The following HMGCLL1 variants were observed in gnomAD, a reference collection of about 807,000 sequenced individuals.
The protein encoded by HMGCLL1 is 3-hydroxy-3-methylglutaryl-CoA lyase like 1, also known as 3-hydroxymethyl-3-methylglutaryl-CoA lyase, cytoplasmic.
HMGCLL1 carries 36 observed loss-of-function variants against 39.1 expected under a neutral mutation model. The observed-to-expected ratio is 0.92, with a 90% CI of 0.71 to 1.22. The LOEUF is 1.22. HMGCLL1 is among the 50% of genes most tolerant of loss of function. HMGCLL1 has a pLI of 0.00. For synonymous variants in HMGCLL1, 149 were observed against 144.0 expected, an observed-to-expected ratio of 1.03 and a Z score of -0.25; for missense variants, 451 against 416.5, an observed-to-expected ratio of 1.08 and a Z score of -0.72.
At chr6:55,462,138 G>A (rs1351857956) in intron 7 of HMGCLL1, among the ~76,000 whole-genome samples, 2 of 151,932 alleles carry the variant, frequency 1.3e-5, no homozygotes, top group Non-Finnish European at 2.9e-5. Context: ...AAATAAATAA[G>A]GAAGACTATA....
At chr6:55,565,187 T>C (rs1406402030) in intron 1 of HMGCLL1, among the ~76,000 whole-genome samples, 3 of 152,116 alleles carry the variant, frequency 2.0e-5, no homozygotes, top group Non-Finnish European at 4.4e-5. Flanking sequence ...CTAGTGTAAG[T>C]TAAAGTCCAG....
intron 7 of HMGCLL1, among the ~76,000 whole-genome samples, chr6:55,463,029 C>CTTTTTTTTTTTT: frequency 7.3e-6 from 1 of 136,322 alleles, no homozygotes; most frequent in Non-Finnish European, 1.6e-5. Context: ...TTTTTTCTTT[C>CTTTTTTTTTTTT]TTTTTTTTTT....
At position 55,564,306 on chromosome 6, in the gene HMGCLL1, A is replaced by G. The variant is rs74980947; in HGVS notation, c.108+14642T>C. ...AAACGATGGAAAATTATTGTTTTAT[A>G]TGTCTCAACTCATATCTTAGTAACC... On this transcript the variant is annotated intron_variant, in intron 1 of 8. Coordinates refer to ENST00000274901, the MANE Select transcript of HMGCLL1 (RefSeq NM_001042406.2). Among the ~76,000 whole-genome samples, 457 of 152,190 alleles carry G rather than the reference A, an allele frequency of 3.0e-3. 4 individuals carry two copies. The highest frequency in any genetic ancestry group is 0.011 in the African/African-American group (443 of 41,556).
At chr6:55,643,490 C>A in the HMGCLL1 span, among the ~76,000 whole-genome samples, 1 of 151,826 alleles carries the variant, frequency 6.6e-6, no homozygotes, top group African/African-American at 2.4e-5. Flanking sequence ...ACTGATTCTT[C>A]CTATTCATTA....
intron 7 of HMGCLL1, among the ~76,000 whole-genome samples, chr6:55,468,500 G>A (rs1466753337): frequency 2.0e-5 from 3 of 151,942 alleles, no homozygotes; most frequent in Admixed American, 6.6e-5. Context: ...TGGAAAGGTA[G>A]AATGATGGAG....
intron 3 of HMGCLL1, among the ~76,000 whole-genome samples, chr6:55,527,847 A>G (rs1768406041): frequency 6.6e-6 from 1 of 152,020 alleles, no homozygotes; most frequent in Admixed American, 6.6e-5. Context: ...AGTCAAGGAT[A>G]TTTTTTAAAT....
intron 3 of HMGCLL1, among the ~76,000 whole-genome samples, chr6:55,538,464 ACT>A (rs1012144301): frequency 6.6e-6 from 1 of 152,140 alleles, no homozygotes; most frequent in Non-Finnish European, 1.5e-5. Context: ...AATGTCTAGA[ACT>A]CTCTTAAAAT....
chr6:55,490,720 C>T (rs1766265131), intron 7 of HMGCLL1, among the ~76,000 whole-genome samples: 1 of 152,050 alleles, frequency 6.6e-6, no homozygotes, highest in African/African-American at 2.4e-5. Context: ...TCAGAAACAG[C>T]TTTTTCCAAC....
intron 5 of HMGCLL1, chr6:55,513,457 T>G (rs1767569197): frequency 6.6e-6 from 1 of 152,204 alleles, no homozygotes; most frequent in Non-Finnish European, 1.5e-5. Context: ...TATATTTATC[T>G]TCTATAAGCA....
At chr6:55,546,687 G>A (rs904554184) in intron 1 of HMGCLL1, among the ~76,000 whole-genome samples, 1 of 152,100 alleles carries the variant, frequency 6.6e-6, no homozygotes, top group African/African-American at 2.4e-5. Context: ...TGACTTGTAA[G>A]TTACAAGGAA....
At chr6:55,635,070 G>GA in the HMGCLL1 span, among the ~76,000 whole-genome samples, 19 of 151,846 alleles carry the variant, frequency 1.3e-4, no homozygotes, top group African/African-American at 4.4e-4. Flanking sequence ...AAAACACTTA[G>GA]AACTATATTG....
intron 7 of HMGCLL1, among the ~76,000 whole-genome samples, chr6:55,445,581 C>T (rs548582835): frequency 1.7e-4 from 26 of 152,100 alleles, no homozygotes; most frequent in African/African-American, 5.8e-4. Flanking sequence ...TAAAGGATTA[C>T]TCTTGGAAAG....
chr6:55,638,696 C>G, the HMGCLL1 span, among the ~76,000 whole-genome samples: 1 of 152,084 alleles, frequency 6.6e-6, no homozygotes, highest in South Asian at 2.1e-4. Flanking sequence ...CTGCCTAATC[C>G]ACAGGATTCT....
At chr6:55,676,936 T>G in the HMGCLL1 span, among the ~76,000 whole-genome samples, 1 of 152,240 alleles carries the variant, frequency 6.6e-6, no homozygotes, top group South Asian at 2.1e-4. Flanking sequence ...TGGGGCCTAT[T>G]TATTACTTCG....
chr6:55,593,104 C>T, the HMGCLL1 span, among the ~76,000 whole-genome samples: 1 of 152,180 alleles, frequency 6.6e-6, no homozygotes, highest in South Asian at 2.1e-4. Flanking sequence ...TTCCCCTCAT[C>T]CTGTTCACTG....
chr6:55,526,869 G>A (rs7762185), intron 3 of HMGCLL1, among the ~76,000 whole-genome samples: 33,586 of 151,892 alleles, frequency 0.22, 3,867 homozygotes, highest in Admixed American at 0.27. Context: ...TAGGAGCAGA[G>A]GGCCTAGAGT....
chr6:55,553,810 A>G (rs565235330), intron 1 of HMGCLL1, among the ~76,000 whole-genome samples: 12 of 152,340 alleles, frequency 7.9e-5, no homozygotes, highest in African/African-American at 2.9e-4. Flanking sequence ...AAAATTTGCA[A>G]TGAAAGGAAT....
chr6:55,569,784 C>G (rs1192334655), intron 1 of HMGCLL1, among the ~76,000 whole-genome samples: 1 of 152,140 alleles, frequency 6.6e-6, no homozygotes, highest in Admixed American at 6.5e-5. Flanking sequence ...GGCTATATCT[C>G]TTATGAAACA....
At chr6:55,471,674 AT>A (rs1254012412) in intron 7 of HMGCLL1, among the ~76,000 whole-genome samples, 8 of 151,364 alleles carry the variant, frequency 5.3e-5, no homozygotes, top group Admixed American at 4.6e-4. Context: ...CAATTTTTAT[AT>A]TTTTTTCTTT....
Sources: allele counts gnomAD v4.1 joint callset (sites outside exome capture counted in the v4.1 genomes callset), GRCh38; gene constraint gnomAD v4.1.1; transcripts MANE v1.5; gene names NCBI Gene and HGNC (gene_info 2026-07-23, HGNC 2026-07-21).